The following MILR1 variants were observed in gnomAD, a reference collection of about 807,000 sequenced individuals.
MILR1 encodes the protein mast cell immunoglobulin like receptor 1, also known as allergin-1.
Under a neutral mutation model 18.5 loss-of-function variants are expected in MILR1, and 31 were observed. The observed-to-expected ratio is 1.68, with a 90% CI of 1.26 to 2.26. The LOEUF (loss-of-function observed/expected upper bound fraction) is 2.26, where lower values mean the gene tolerates loss of function less well. MILR1 is among the 30% of genes most tolerant of loss of function. The pLI, the probability that MILR1 is intolerant of heterozygous loss-of-function variation, is 0.00. For synonymous variants in MILR1, 85 were observed against 56.2 expected (o/e 1.51, Z -2.30); for missense variants, 257 against 157.4 (o/e 1.63, Z -3.38).
At chr17:64,494,840 G>A in the MILR1 span, among the ~76,000 whole-genome samples, 5 of 152,186 alleles carry the variant, frequency 3.3e-5, no homozygotes, top group Admixed American at 2.0e-4. Context: ...CCCCAGACCC[G>A]GAATCAGCCA....
At chr17:64,458,218 T>G (rs1194633097) in intron 4 of MILR1, among the ~76,000 whole-genome samples, 9 of 135,552 alleles carry the variant, frequency 6.6e-5, no homozygotes, top group African/African-American at 2.3e-4. Flanking sequence ...TCCTTCTTTC[T>G]TTTCTTTTCT....
At chr17:64,477,625 T>G in the MILR1 span, among the ~76,000 whole-genome samples, 1 of 152,296 alleles carries the variant, frequency 6.6e-6, no homozygotes, top group East Asian at 1.9e-4. Flanking sequence ...ATTTGCTTAA[T>G]CCAGTATAGT....
chr17:64,452,082 G>GTTTTTTTTTTTTTTTT (rs34558703), intron 2 of MILR1, among the ~76,000 whole-genome samples: 3 of 137,190 alleles, frequency 2.2e-5, no homozygotes, highest in African/African-American at 2.6e-5. Flanking sequence ...TCCCAGCTAT[G>GTTTTTTTTTTTTTTTT]TTTTTTTTTT....
chr17:64,449,771 T>TA (rs1187934007), intron 2 of MILR1, among the ~76,000 whole-genome samples: 11 of 151,914 alleles, frequency 7.2e-5, no homozygotes, highest in African/African-American at 2.4e-4. Flanking sequence ...CCTCGTTTCT[T>TA]AAAAAAATAA....
chr17:64,496,596 C>T, the MILR1 span: 5 of 1,613,594 alleles, frequency 3.1e-6, no homozygotes, highest in African/African-American at 2.7e-5. Context: ...ACCGGGAATA[C>T]CTGCTCCCTG....
chr17:64,477,964 G>A, the MILR1 span: 5 of 1,613,780 alleles, frequency 3.1e-6, no homozygotes, highest in African/African-American at 6.7e-5. Flanking sequence ...CCAAAACTGT[G>A]AAGAGAATAC....
intron 6 of MILR1, among the ~76,000 whole-genome samples, chr17:64,466,114 G>A (rs1165606750): frequency 6.6e-6 from 1 of 152,166 alleles, no homozygotes; most frequent in South Asian, 2.1e-4. Context: ...GTAGGAGAGA[G>A]AAGAATGAGA....
intron 2 of MILR1, among the ~76,000 whole-genome samples, chr17:64,452,108 GT>G (rs2037188009): frequency 8.9e-6 from 1 of 111,992 alleles, no homozygotes; most frequent in African/African-American, 3.1e-5. Flanking sequence ...GTTCTGTTTT[GT>G]TTTTTAAAAA....
chr17:64,466,937 T>G (rs570706228), intron 8 of MILR1, among the ~76,000 whole-genome samples: 16 of 151,974 alleles, frequency 1.1e-4, no homozygotes, highest in Non-Finnish European at 2.2e-4. Flanking sequence ...ATTTCCTTCC[T>G]TCCTTCCTTC....
chr17:64,491,082 C>T, the MILR1 span: 537 of 827,884 alleles, frequency 6.5e-4, 1 homozygote, highest in South Asian at 1.6e-3. Flanking sequence ...AGCAAATGTG[C>T]GAAACTAGTC....
At chr17:64,486,745 G>C in the MILR1 span, among the ~76,000 whole-genome samples, 15 of 152,178 alleles carry the variant, frequency 9.9e-5, 1 homozygote, top group Non-Finnish European at 1.5e-5. Flanking sequence ...GTGCTTTAGG[G>C]AAAGGGGTTT....
the MILR1 span, chr17:64,496,663 C>CA: frequency 6.2e-7 from 1 of 1,613,992 alleles, no homozygotes. Context: ...ACTCTACGCC[C>CA]AAGGGTCCGA....
chr17:64,491,678 G>A, the MILR1 span: 3 of 1,216,596 alleles, frequency 2.5e-6, no homozygotes, highest in Non-Finnish European at 3.6e-6. Flanking sequence ...ACATCAACGT[G>A]AAGAAGGGGA....
At chr17:64,481,596 C>T in the MILR1 span, 4 of 210,212 alleles carry the variant, frequency 1.9e-5, no homozygotes, top group African/African-American at 4.7e-5. Flanking sequence ...GGAAAGGCTG[C>T]GCACGGTGGC....
the MILR1 span, chr17:64,485,014 C>T: frequency 6.6e-6 from 1 of 152,218 alleles, no homozygotes; most frequent in Non-Finnish European, 1.5e-5. Flanking sequence ...AAATAGAGGG[C>T]ATCAGTAAAA....
At chr17:64,487,813 G>T in the MILR1 span, among the ~76,000 whole-genome samples, 1 of 151,978 alleles carries the variant, frequency 6.6e-6, no homozygotes, top group Non-Finnish European at 1.5e-5. Context: ...ACTAGCCTGG[G>T]CAACATGGCA....
Position 64,452,846 on chromosome 17 carries a change from A to G in MILR1, c.347A>G (p.Asp116Gly). ...QVTSCSKYSR[D>G]FSFTIVDPVT... ...ACCAGCTGTTCAAAATACAGTCGTG[A>G]CTTCAGCTTCACGATTGTCGGTAAG... The change falls in exon 3 of 10, where the codon GAC becomes GGC. Residue 116 changes from aspartate (D) to glycine (G), a missense_variant. By Grantham distance (94) the Asp-to-Gly change is moderately conservative. Coordinates refer to ENST00000619286, the MANE Select transcript of MILR1 (RefSeq NM_001085423.2). 1 of 475,162 alleles carries G rather than the reference A, an allele frequency of 2.1e-6. No individual in the cohort carries two copies. Among genetic ancestry groups the G allele is most frequent in the East Asian group, 3.1e-5 (1 of 32,034 alleles). The allele number at this position is 475,162 out of a possible 1,614,324, so 29.4% of individuals were successfully genotyped here. A position where few individuals can be genotyped will look rare whatever the true frequency, so the allele number is the denominator to read the frequency against.
the MILR1 span, chr17:64,491,100 G>A: frequency 3.0e-5 from 22 of 728,628 alleles, no homozygotes; most frequent in Middle Eastern, 2.8e-4. Context: ...GTCAAGTCCC[G>A]AATACAAATT....
chr17:64,471,455 GTC>G (rs2037686202), downstream of MILR1, among the ~76,000 whole-genome samples: 1 of 152,228 alleles, frequency 6.6e-6, no homozygotes, highest in Admixed American at 6.5e-5. Context: ...TTACCTCAGT[GTC>G]TCACCCCAGG....
Sources: allele counts gnomAD v4.1 joint callset (sites outside exome capture counted in the v4.1 genomes callset), GRCh38; gene constraint gnomAD v4.1.1; transcripts MANE v1.5; gene names NCBI Gene and HGNC (gene_info 2026-07-23, HGNC 2026-07-21).